The following KALRN variants were observed in gnomAD, a reference collection of about 807,000 sequenced individuals.
The protein encoded by KALRN is kalirin.
A neutral mutation model predicts 353.7 loss-of-function variants in KALRN; 70 were observed. The observed-to-expected ratio is 0.20, with a 90% CI of 0.16 to 0.24. The LOEUF is 0.24. KALRN is among the 10% of genes least tolerant of loss of function. The pLI, the probability that KALRN is intolerant of heterozygous loss-of-function variation, is 1.00. For synonymous variants in KALRN, 1,391 were observed against 1,434.8 expected, an observed-to-expected ratio of 0.97 and a Z score of 0.69; for missense variants, 2,791 against 3,756.7, an observed-to-expected ratio of 0.74 and a Z score of 6.72.
intron 33 of KALRN, among the ~76,000 whole-genome samples, chr3:124,510,533 T>G (rs1436508887): frequency 6.6e-6 from 1 of 152,030 alleles, no homozygotes; most frequent in Non-Finnish European, 1.5e-5. Flanking sequence ...TTTTTTTTTG[T>G]TTCAGCATGA....
intron 44 of KALRN, among the ~76,000 whole-genome samples, chr3:124,661,375 C>T (rs547241281): frequency 6.6e-6 from 1 of 152,292 alleles, no homozygotes; most frequent in Non-Finnish European, 1.5e-5. Context: ...CTGTCCAAAC[C>T]CTGCAGACTA....
chr3:124,151,816 C>T, intron 1 of KALRN: 1 of 362,098 alleles, frequency 2.8e-6, no homozygotes, highest in South Asian at 5.3e-5. Context: ...TGTTTTACTT[C>T]TCACATTTGG....
intron 55 of KALRN, 130 bp from the exon 56 acceptor site, chr3:124,699,739 G>A (rs1345179294): frequency 2.4e-6 from 2 of 848,976 alleles, no homozygotes; most frequent in Admixed American, 2.3e-5. Context: ...GGCTTTCAGA[G>A]CCTGACACGG....
chr3:124,125,132 G>C (rs2064493926), intron 1 of KALRN, among the ~76,000 whole-genome samples: 1 of 152,134 alleles, frequency 6.6e-6, no homozygotes, highest in African/African-American at 2.4e-5. Flanking sequence ...AACAGAAATA[G>C]GATGATTTAC....
Position 124,668,869 on chromosome 3 carries a change from G to A in KALRN, c.6703+1686G>A, listed in dbSNP as rs1205955006. Among the ~76,000 whole-genome samples the A allele has an allele frequency of 2.6e-5, 4 of 152,128 alleles. No individual in the cohort carries two copies. The East Asian group carries it at 7.7e-4, about 29-fold the overall frequency. On this transcript the variant is annotated intron_variant, in intron 47 of 59. Coordinates refer to ENST00000682506, the MANE Select transcript of KALRN (RefSeq NM_001388419.1). ...AATGTGTTCATATATAAAAATATCTGTTTAAATTGCATTCTATTAGGAGTT... is the reference window on the plus strand; with the variant it reads ...AATGTGTTCATATATAAAAATATCTATTTAAATTGCATTCTATTAGGAGTT...
At chr3:124,214,122 A>G (rs1420617089) in intron 1 of KALRN, among the ~76,000 whole-genome samples, 5 of 152,136 alleles carry the variant, frequency 3.3e-5, no homozygotes, top group Non-Finnish European at 7.4e-5. Context: ...TTCAGAGATA[A>G]CTGCTGTGTA....
chr3:124,242,790 G>A (rs1017237861), intron 3 of KALRN, among the ~76,000 whole-genome samples: 1 of 152,148 alleles, frequency 6.6e-6, no homozygotes, highest in South Asian at 2.1e-4. Context: ...CAGGGGTGGT[G>A]AGGGTGGTGG....
At chr3:124,655,704 A>G (rs1385453555) in intron 39 of KALRN, 37 bp downstream of exon 39, 1 of 1,522,766 alleles carries the variant, frequency 6.6e-7, no homozygotes, top group Admixed American at 1.7e-5. Context: ...GTGGTCACCC[A>G]ACCAGGAGCA....
chr3:124,332,216 C>A (rs937282035), intron 8 of KALRN, among the ~76,000 whole-genome samples: 1 of 152,048 alleles, frequency 6.6e-6, no homozygotes, highest in Non-Finnish European at 1.5e-5. Context: ...AACCACCCTG[C>A]CCTGAAAGCA....
chr3:124,503,695 C>T (rs1359062541), intron 33 of KALRN, among the ~76,000 whole-genome samples: 5 of 152,062 alleles, frequency 3.3e-5, no homozygotes, highest in East Asian at 1.9e-4. Context: ...CAGAGACATT[C>T]GACACAGTAC....
intron 1 of KALRN, among the ~76,000 whole-genome samples, chr3:124,166,729 A>G (rs887145255): frequency 1.3e-5 from 2 of 152,118 alleles, no homozygotes; most frequent in Non-Finnish European, 2.9e-5. Context: ...GAGGAAACAG[A>G]TGTTTTTTTG....
At position 124,658,427 on chromosome 3, in the gene KALRN, T is replaced by C. The variant is rs2084372415; in HGVS notation, c.6037-4T>C. On this transcript the variant is annotated splice_region_variant and splice_polypyrimidine_tract_variant and intron_variant, in intron 41 of 59. Transcript: ENST00000682506. ...TGTCCACATGTCTCTCTCTGCTCTT[T>C]CAGGAGCGGAAGCTGCACATCTACG... The C allele has an allele frequency of 1.2e-6, 2 of 1,610,496 alleles. No homozygotes were observed. The highest frequency in any genetic ancestry group is 1.7e-5 in the Admixed American group (1 of 60,022).
In KALRN at chr3:124,719,186, T is replaced by A; in HGVS notation, c.8677T>A (p.Cys2893Ser). Residue 2893 changes from cysteine to serine, a missense_variant, in exon 60 of 60, where the codon TGC becomes AGC. Physicochemically the swap from Cys to Ser is moderately radical, Grantham distance 112 (BLOSUM62 -1). Transcript: ENST00000682506. The surrounding 1 kb of genome is among the most constrained non-coding windows in gnomAD (Gnocchi z 5.3). ...ESKEETCINV[C>S]RVDFSFPHEY... ...CAAAGAGGAGACATGTATCAACGTATGCAGGGTGGATTTCAGCTTCCCCCA... is the reference window on the plus strand; with the variant it reads ...CAAAGAGGAGACATGTATCAACGTAAGCAGGGTGGATTTCAGCTTCCCCCA... 1.2e-6 allele frequency: 2 copies of A among 1,614,242 alleles called. No homozygotes were observed. Among genetic ancestry groups the A allele is most frequent in the Non-Finnish European group, 1.7e-6 (2 of 1,180,034 alleles).
chr3:124,256,183 G>A lies in KALRN; in HGVS notation c.264-8315G>A, dbSNP rs79286645. ...GAAGAAGAGATTGGAAGTCAAGATG[G>A]GAGAAAGTGGCATTTGTCTCCCTAA... On this transcript the variant is annotated intron_variant, in intron 3 of 59. Transcript: ENST00000682506. Among the ~76,000 whole-genome samples, 5,276 of 152,202 alleles carry A rather than the reference G, an allele frequency of 0.035. 665 individuals carry two copies. In the East Asian group the frequency reaches 0.44, roughly 13 times the overall value.
At chr3:124,137,849 T>G (rs2066120088) in intron 1 of KALRN, among the ~76,000 whole-genome samples, 1 of 152,084 alleles carries the variant, frequency 6.6e-6, no homozygotes, top group African/African-American at 2.4e-5. Flanking sequence ...CATCTGAATG[T>G]AATAGTGTCC....
chr3:124,158,116 C>T (rs1045792173), intron 1 of KALRN, among the ~76,000 whole-genome samples: 1 of 152,186 alleles, frequency 6.6e-6, no homozygotes, highest in East Asian at 1.9e-4. Flanking sequence ...TTATTCTACC[C>T]GTCACACTCA....
Position 124,701,940 on chromosome 3 carries a change from G to C in KALRN, c.7997-98G>C, listed in dbSNP as rs750334523. On this transcript the variant is annotated intron_variant, in intron 56 of 59. Transcript: ENST00000682506. ...AGTCAGACTCCATATTTGGTCATGA[G>C]AATTGCTTTGGGGTTACTCTGGAGC... The C allele has an allele frequency of 1.6e-4, 138 of 846,740 alleles. 2 individuals carry two copies. The highest frequency in any genetic ancestry group is 2.4e-5 in the Non-Finnish European group (12 of 504,912). 52.5% of individuals were successfully genotyped at this position (846,740 alleles called of 1,614,324 possible).
At chr3:124,158,725 C>T (rs1578762431) in intron 1 of KALRN, among the ~76,000 whole-genome samples, 1 of 152,296 alleles carries the variant, frequency 6.6e-6, no homozygotes, top group Non-Finnish European at 1.5e-5. Flanking sequence ...ATATTGATTG[C>T]AGAGTCTGAC....
intron 29 of KALRN, chr3:124,488,983 G>A (rs1338409221): frequency 2.0e-5 from 3 of 152,184 alleles, no homozygotes; most frequent in Admixed American, 6.5e-5. Context: ...CAATAAAGTG[G>A]TCTTAACACT....
Sources: allele counts gnomAD v4.1 joint callset (sites outside exome capture counted in the v4.1 genomes callset), GRCh38; gene constraint gnomAD v4.1.1; non-coding constraint Gnocchi (gnomAD v3.1); transcripts MANE v1.5; gene names NCBI Gene and HGNC (gene_info 2026-07-23, HGNC 2026-07-21).